Variants in KDM4B observed in about 807,000 individuals in gnomAD.
KDM4B encodes lysine demethylase 4B.
A neutral mutation model predicts 125.2 loss-of-function variants in KDM4B; 32 were observed. The ratio of observed to expected loss-of-function variants is 0.26; its 90% CI spans 0.19 to 0.34. The LOEUF is 0.34. Ranked by LOEUF, KDM4B falls within the 10% of genes least tolerant of loss-of-function variation. The probability of loss-of-function intolerance (pLI) is 1.00; values close to 1 mark genes in which losing one functional copy is unlikely to be tolerated. For synonymous variants in KDM4B, 721 were observed against 677.9 expected (o/e 1.06, Z -0.99); for missense variants, 1,190 against 1,577.7 (o/e 0.75, Z 4.16).
intron 6 of KDM4B, among the ~76,000 whole-genome samples, chr19:5,063,641 G>C (rs2037673915): frequency 6.6e-6 from 1 of 152,230 alleles, no homozygotes; most frequent in Non-Finnish European, 1.5e-5. Context: ...GTGGCACTGA[G>C]CCCAGCAACG....
rs367609913 is a variant in KDM4B at position 5,015,657 on chromosome 19, C to T, written c.-108-600C>T. ...TTGAGGCCAGGAGCTCGAGACCAGC[C>T]TGGACGCTATAGTGAGACCCTGTCT... On this transcript the variant is annotated intron_variant, in intron 1 of 22. Transcript: ENST00000159111. Among the ~76,000 whole-genome samples, 970 of 152,270 alleles carry T rather than the reference C, an allele frequency of 6.4e-3. 10 individuals are homozygous for T. The highest frequency in any genetic ancestry group is 0.022 in the African/African-American group (915 of 41,570).
chr19:4,988,465 CG>C (rs1270107866), intron 1 of KDM4B, among the ~76,000 whole-genome samples: 2 of 151,944 alleles, frequency 1.3e-5, no homozygotes, highest in African/African-American at 4.8e-5. Flanking sequence ...TTAGTAGAGA[CG>C]GGGTTTCACC....
At chr19:5,031,170 G>A (rs1409308897) in intron 2 of KDM4B, among the ~76,000 whole-genome samples, 1 of 152,236 alleles carries the variant, frequency 6.6e-6, no homozygotes, top group Admixed American at 6.5e-5. Flanking sequence ...TGCAGCGTTG[G>A]GGGGATCCTG....
chr19:5,068,652 C>G (rs2037851874), intron 6 of KDM4B, among the ~76,000 whole-genome samples: 1 of 152,226 alleles, frequency 6.6e-6, no homozygotes, highest in African/African-American at 2.4e-5. Context: ...CTGGGTTGTT[C>G]CGAGTGGCGG....
chr19:5,102,131 C>T (rs1335324245), intron 9 of KDM4B, among the ~76,000 whole-genome samples: 1 of 152,172 alleles, frequency 6.6e-6, no homozygotes, highest in African/African-American at 2.4e-5. Flanking sequence ...CACCACCATC[C>T]GTGTCTCTGC....
In KDM4B at chr19:5,035,705, G is replaced by A. The variant is rs368721118; in HGVS notation, c.141+2674G>A. ...GGGGAGTATGGTTTCCCTGCCTTGC[G>A]TTCTGCGTGTTCCTTCCCATGCCTC... On this transcript the variant is annotated intron_variant, in intron 3 of 22. Transcript: ENST00000159111. This position sits in a 1 kb window ranked among gnomAD's most constrained non-coding sequence, Gnocchi z 5.3. Among the ~76,000 whole-genome samples, 5 of 152,138 alleles carry A rather than the reference G, an allele frequency of 3.3e-5. No individual in the cohort carries two copies. In the East Asian group the frequency reaches 7.7e-4, roughly 24 times the overall value.
At chr19:4,981,906 T>C (rs931276709) in intron 1 of KDM4B, among the ~76,000 whole-genome samples, 1 of 152,198 alleles carries the variant, frequency 6.6e-6, no homozygotes, top group Non-Finnish European at 1.5e-5. Context: ...CCAAGTGTCA[T>C]GTGGTGAAGG....
intron 18 of KDM4B, 91 bp downstream of exon 18, chr19:5,138,161 T>C: frequency 1.0e-6 from 1 of 974,146 alleles, no homozygotes; most frequent in Non-Finnish European, 1.6e-6. Flanking sequence ...GAAGCGGTCT[T>C]TCCTCCAAGC....
At chr19:5,136,062 TG>T (rs1249365214) in intron 15 of KDM4B, among the ~76,000 whole-genome samples, 3 of 152,240 alleles carry the variant, frequency 2.0e-5, no homozygotes, top group Non-Finnish European at 4.4e-5. Context: ...AAGCAGCCTT[TG>T]GGGGCAAACA....
intron 2 of KDM4B, among the ~76,000 whole-genome samples, chr19:5,023,698 C>T (rs74932494): frequency 0.015 from 2,352 of 151,834 alleles, 53 homozygotes; most frequent in African/African-American, 0.054. Context: ...GGAGCCCCCA[C>T]ACTTCCTACC....
chr19:5,131,043 C>T, intron 11 of KDM4B, 33 bp from the exon 12 acceptor site: 1 of 1,449,458 alleles, frequency 6.9e-7, no homozygotes, highest in East Asian at 2.4e-5. Context: ...AGCCCGGGTT[C>T]TCCTCCCTGA....
intron 21 of KDM4B, among the ~76,000 whole-genome samples, chr19:5,149,737 C>T (rs2039913715): frequency 6.6e-6 from 1 of 152,246 alleles, no homozygotes; most frequent in Admixed American, 6.5e-5. Flanking sequence ...AAGCGGGGTG[C>T]TCCCAGTGCC....
intron 1 of KDM4B, among the ~76,000 whole-genome samples, chr19:5,004,765 C>T (rs1366351694): frequency 6.6e-6 from 1 of 152,116 alleles, no homozygotes; most frequent in East Asian, 1.9e-4. Context: ...GTGGGCAGTA[C>T]CCCTGGGTGT....
chr19:5,096,374 C>T (rs1246871259), intron 9 of KDM4B, among the ~76,000 whole-genome samples: 7 of 152,170 alleles, frequency 4.6e-5, no homozygotes, highest in South Asian at 2.1e-4. Context: ...CGTGAGCCAC[C>T]GCGCCTGGCC....
chr19:5,108,583 A>G (rs949180403), intron 9 of KDM4B, among the ~76,000 whole-genome samples: 3 of 151,532 alleles, frequency 2.0e-5, no homozygotes, highest in Admixed American at 2.0e-4. Flanking sequence ...GTCTCCAAGC[A>G]AAGTGTGGGC....
At position 4,978,506 on chromosome 19, in the gene KDM4B, C is replaced by CAAAAAAAAAAA. The variant is rs58304162; in HGVS notation, c.-109+9297_-109+9307dup. Among the ~76,000 whole-genome samples the CAAAAAAAAAAA allele has an allele frequency of 5.2e-4, 19 of 36,404 alleles. 1 individual carries two copies. Among genetic ancestry groups the CAAAAAAAAAAA allele is most frequent in the South Asian group, 2.1e-3 (1 of 478 alleles). The allele number at this position is 36,404 out of a possible 152,430, so 23.9% of individuals were successfully genotyped here. A position where few individuals can be genotyped will look rare whatever the true frequency, so the allele number is the denominator to read the frequency against. ...TGCACAATGGAGTGAGACTCTGTCT[C>CAAAAAAAAAAA]AAAAAAAAAAAAAAAAAAAAAAAAA... is the stretch of plus-strand genomic sequence containing the variant. On this transcript the variant is annotated intron_variant, in intron 1 of 22. Coordinates refer to ENST00000159111, the MANE Select transcript of KDM4B (RefSeq NM_015015.3).
At chr19:5,130,717 G>T (rs2039526902) in intron 11 of KDM4B, among the ~76,000 whole-genome samples, 1 of 152,226 alleles carries the variant, frequency 6.6e-6, no homozygotes, top group Non-Finnish European at 1.5e-5. Flanking sequence ...CCAGGTGGGA[G>T]CCCAGAAGAC....
chr19:5,117,790 C>T (rs769210108), intron 10 of KDM4B, among the ~76,000 whole-genome samples: 4 of 152,174 alleles, frequency 2.6e-5, no homozygotes, highest in Non-Finnish European at 5.9e-5. Context: ...GCCCGGCCAC[C>T]CCGCAGCGAC....
At chr19:5,025,136 C>A (rs1379420162) in intron 2 of KDM4B, among the ~76,000 whole-genome samples, 2 of 152,162 alleles carry the variant, frequency 1.3e-5, no homozygotes, top group Non-Finnish European at 2.9e-5. Context: ...TTGGGTTAAG[C>A]GGCTTTCATG....
Sources: allele counts gnomAD v4.1 joint callset (sites outside exome capture counted in the v4.1 genomes callset), GRCh38; gene constraint gnomAD v4.1.1; non-coding constraint Gnocchi (gnomAD v3.1); transcripts MANE v1.5; gene names NCBI Gene and HGNC (gene_info 2026-07-23, HGNC 2026-07-21).